Variants in MCTP2 observed in about 807,000 individuals in gnomAD.
MCTP2 encodes multiple C2 and transmembrane domain-containing protein 2.
A neutral mutation model predicts 111.6 loss-of-function variants in MCTP2; 132 were observed. The ratio of observed to expected loss-of-function variants is 1.18; its 90% confidence interval spans 1.03 to 1.37. The LOEUF (loss-of-function observed/expected upper bound fraction) is 1.37, where lower values mean the gene tolerates loss of function less well. MCTP2 is among the 40% of genes most tolerant of loss of function. The pLI is 0.00. For synonymous variants in MCTP2, 395 were observed against 387.7 expected, an observed-to-expected ratio of 1.02 and a Z score of -0.22; for missense variants, 1,183 against 1,067.9, an observed-to-expected ratio of 1.11 and a Z score of -1.50.
intron 14 of MCTP2, among the ~76,000 whole-genome samples, chr15:94,393,242 CTG>C (rs926565817): frequency 2.0e-5 from 3 of 152,082 alleles, no homozygotes; most frequent in African/African-American, 7.2e-5. Flanking sequence ...GAATCCAAGA[CTG>C]TAACACAAAA....
intron 1 of MCTP2, among the ~76,000 whole-genome samples, chr15:94,246,191 C>T (rs576986486): frequency 2.0e-5 from 3 of 152,170 alleles, no homozygotes; most frequent in African/African-American, 4.8e-5. Flanking sequence ...ACACTGAAAC[C>T]GTCACCTACA....
intron 19 of MCTP2, among the ~76,000 whole-genome samples, chr15:94,448,037 T>C (rs1422043569): frequency 6.6e-6 from 1 of 152,248 alleles, no homozygotes; most frequent in East Asian, 1.9e-4. Context: ...CCTTTTATAG[T>C]GAAGTGGATT....
At chr15:94,292,365 G>A (rs1032060268) in intron 1 of MCTP2, among the ~76,000 whole-genome samples, 10 of 152,088 alleles carry the variant, frequency 6.6e-5, no homozygotes, top group Non-Finnish European at 1.0e-4. Context: ...AATACCCAAC[G>A]TGATTTTCTA....
intron 17 of MCTP2, among the ~76,000 whole-genome samples, chr15:94,412,290 CTT>C (rs199560639): frequency 1.4e-5 from 2 of 140,798 alleles, no homozygotes; most frequent in Non-Finnish European, 1.6e-5. Flanking sequence ...TTGGACTCTG[CTT>C]TTTTTTTTTT....
intron 12 of MCTP2, among the ~76,000 whole-genome samples, chr15:94,383,063 T>G (rs1255239591): frequency 6.6e-6 from 1 of 152,180 alleles, no homozygotes; most frequent in Non-Finnish European, 1.5e-5. Flanking sequence ...TTTTTTTTGT[T>G]AAGTTAAAAA....
intron 20 of MCTP2, among the ~76,000 whole-genome samples, chr15:94,462,384 G>C (rs2085269293): frequency 6.6e-6 from 1 of 152,196 alleles, no homozygotes; most frequent in South Asian, 2.1e-4. Flanking sequence ...TGAGGATTTA[G>C]GGAGCTCCCA....
chr15:94,350,278 T>C (rs1334123131), intron 8 of MCTP2, among the ~76,000 whole-genome samples: 3 of 152,174 alleles, frequency 2.0e-5, no homozygotes, highest in African/African-American at 7.2e-5. Flanking sequence ...AGAGGTGCTC[T>C]GGGTGCAAAA....
intron 1 of MCTP2, among the ~76,000 whole-genome samples, chr15:94,286,288 T>A (rs921810253): frequency 1.3e-4 from 20 of 152,214 alleles, no homozygotes; most frequent in African/African-American, 3.1e-4. Context: ...TTTGCCTTTA[T>A]CTTTATCATA....
chr15:94,341,839 A>C (rs922977172), intron 7 of MCTP2: 1 of 152,172 alleles, frequency 6.6e-6, no homozygotes, highest in Admixed American at 6.5e-5. Flanking sequence ...CCCTGTTGAC[A>C]CTTGTGACCT....
rs190581739 is a variant in MCTP2 at position 94,369,140 on chromosome 15, G to C, written c.1489-947G>C. Among the ~76,000 whole-genome samples the C allele has an allele frequency of 1.4e-3, 206 of 152,294 alleles. 5 individuals are homozygous for C. The highest frequency in any genetic ancestry group is 2.1e-4 in the Non-Finnish European group (14 of 68,012). On this transcript the variant is annotated intron_variant, in intron 11 of 22. Coordinates refer to ENST00000357742, the MANE Select transcript of MCTP2 (RefSeq NM_001385001.1). ...AAAACTAATTGTTTTGTTTGTTTAGGTTGAAAATATAGAGGAGAAACAACT... is the reference window on the plus strand; with the variant it reads ...AAAACTAATTGTTTTGTTTGTTTAGCTTGAAAATATAGAGGAGAAACAACT...
chr15:94,392,772 C>A (rs541356973), intron 14 of MCTP2, among the ~76,000 whole-genome samples: 11 of 150,546 alleles, frequency 7.3e-5, no homozygotes, highest in Non-Finnish European at 1.6e-4. Context: ...GCCAAGATCA[C>A]GCCACTGCAC....
At chr15:94,420,199 A>G (rs996884348) in intron 17 of MCTP2, among the ~76,000 whole-genome samples, 1 of 152,140 alleles carries the variant, frequency 6.6e-6, no homozygotes, top group Non-Finnish European at 1.5e-5. Flanking sequence ...GTTGAGATCT[A>G]CTTCTCAGAA....
chr15:94,368,965 C>T (rs1367875674), intron 11 of MCTP2, among the ~76,000 whole-genome samples: 2 of 152,170 alleles, frequency 1.3e-5, no homozygotes, highest in African/African-American at 4.8e-5. Context: ...GCAAGCTAGC[C>T]AGCACATTAG....
intron 1 of MCTP2, among the ~76,000 whole-genome samples, chr15:94,296,236 G>A (rs746420822): frequency 5.9e-5 from 9 of 152,204 alleles, no homozygotes; most frequent in Non-Finnish European, 8.8e-5. Flanking sequence ...GTATTTGCAA[G>A]TCAAGTTATG....
At chr15:94,267,951 T>C (rs1328803318) in intron 1 of MCTP2, among the ~76,000 whole-genome samples, 14 of 141,556 alleles carry the variant, frequency 9.9e-5, no homozygotes, top group East Asian at 4.4e-4. Flanking sequence ...CTGCAAGCTC[T>C]GCCTCCTGGG....
chr15:94,477,441 C>T (rs937481895), intron 22 of MCTP2, among the ~76,000 whole-genome samples: 13 of 152,170 alleles, frequency 8.5e-5, no homozygotes, highest in African/African-American at 1.9e-4. Flanking sequence ...ACTAGAAAGT[C>T]GTGTAGAGTA....
At chr15:94,356,972 C>T (rs2078659675) in intron 9 of MCTP2, among the ~76,000 whole-genome samples, 1 of 151,920 alleles carries the variant, frequency 6.6e-6, no homozygotes, top group South Asian at 2.1e-4. Context: ...AACTGTCAGA[C>T]AGGAATATTT....
intron 17 of MCTP2, among the ~76,000 whole-genome samples, chr15:94,417,747 G>A (rs1486091483): frequency 1.3e-5 from 2 of 152,044 alleles, no homozygotes; most frequent in Non-Finnish European, 2.9e-5. Flanking sequence ...AAGCAAATAG[G>A]TAGTCTATCT....
intron 11 of MCTP2, among the ~76,000 whole-genome samples, chr15:94,369,420 C>T (rs2079367903): frequency 6.6e-6 from 1 of 152,142 alleles, no homozygotes. Flanking sequence ...CTTTCATGCA[C>T]AATTTCTTAA....
Sources: gnomAD v4.1 joint callset for allele counts (sites outside exome capture counted in the v4.1 genomes callset) on GRCh38, gnomAD v4.1.1 for gene constraint, MANE v1.5 for transcripts, NCBI Gene and HGNC (gene_info 2026-07-23, HGNC 2026-07-21) for gene names.